The following CHST8 variants were observed in gnomAD, a reference collection of about 807,000 sequenced individuals.
CHST8 encodes the protein carbohydrate sulfotransferase 8.
CHST8 carries 10 observed loss-of-function variants against 15.0 expected under a neutral mutation model. The ratio of observed to expected loss-of-function variants is 0.67; its 90% CI spans 0.41 to 1.13. The LOEUF (loss-of-function observed/expected upper bound fraction) is 1.13, where lower values mean the gene tolerates loss of function less well. Ranked by LOEUF, CHST8 falls within the 50% of genes most tolerant of loss-of-function variation. The pLI, the probability that CHST8 is intolerant of heterozygous loss-of-function variation, is 0.00. For missense variants in CHST8, 634 were observed against 608.2 expected (o/e 1.04, Z -0.45); for synonymous variants, 259 against 256.6 (o/e 1.01, Z -0.09).
intron 2 of CHST8, among the ~76,000 whole-genome samples, chr19:33,674,114 G>A (rs1232374245): frequency 2.6e-5 from 4 of 152,178 alleles, no homozygotes; most frequent in African/African-American, 9.7e-5. Flanking sequence ...GGGGCCAGGG[G>A]AGGCTAGGAG....
chr19:33,735,238 G>A (rs147066839), intron 3 of CHST8, among the ~76,000 whole-genome samples: 34 of 152,304 alleles, frequency 2.2e-4, no homozygotes, highest in African/African-American at 6.7e-4. Flanking sequence ...CTCAGGGCCC[G>A]ACCTTGCTCC....
At position 33,772,234 on chromosome 19, in the gene CHST8, T is replaced by C. The variant is rs1468941262; in HGVS notation, c.446T>C (p.Leu149Pro). The C allele has an allele frequency of 1.3e-6, 2 of 1,597,802 alleles. No individual in the cohort carries two copies. The highest frequency in any genetic ancestry group is 2.2e-5 in the South Asian group (2 of 90,348). The change falls in exon 5 of 5, where the codon CTG (leucine) becomes CCG (proline). Residue 149 changes from leucine (L) to proline (P), a missense_variant. By Grantham distance (98) the Leu-to-Pro change is moderately conservative. Transcript: ENST00000650847. ...PGTLDGRWVS[L>P]HRSQQERKRV... is the part of the protein sequence containing the mutation. The stretch of plus-strand genomic sequence containing the variant: ...ACGCTGGATGGCCGCTGGGTCAGCC[T>C]GCACCGGAGCCAGCAGGAGCGCAAG...
intron 3 of CHST8, among the ~76,000 whole-genome samples, chr19:33,746,551 G>A (rs542708248): frequency 4.9e-4 from 75 of 152,374 alleles, no homozygotes; most frequent in Middle Eastern, 3.4e-3. Flanking sequence ...CAGGCAAGCA[G>A]TATTCCGTAG....
At chr19:33,770,431 G>A (rs1974952708) in intron 3 of CHST8, among the ~76,000 whole-genome samples, 3 of 152,242 alleles carry the variant, frequency 2.0e-5, no homozygotes, top group Admixed American at 2.0e-4. Flanking sequence ...GGAGCAGAAA[G>A]AGCCCCTGAT....
chr19:33,765,012 G>A (rs1974804367), intron 3 of CHST8, among the ~76,000 whole-genome samples: 1 of 143,046 alleles, frequency 7.0e-6, no homozygotes, highest in Non-Finnish European at 1.5e-5. Flanking sequence ...GGCTGCGAAT[G>A]CCATTAATTC....
intron 1 of CHST8, among the ~76,000 whole-genome samples, chr19:33,656,955 C>A (rs1274576634): frequency 6.6e-6 from 1 of 152,038 alleles, no homozygotes; most frequent in Non-Finnish European, 1.5e-5. Context: ...TCTATGCATT[C>A]TATATGTTAT....
chr19:33,697,480 CCT>C (rs748825116), intron 3 of CHST8, among the ~76,000 whole-genome samples: 1 of 152,168 alleles, frequency 6.6e-6, no homozygotes, highest in Non-Finnish European at 1.5e-5. Context: ...GATCCACCTG[CCT>C]CGTGCTCCCA....
intron 3 of CHST8, among the ~76,000 whole-genome samples, chr19:33,695,821 C>CTTTCTTTCTTTCTTTT (rs57718433): frequency 1.9e-3 from 147 of 76,226 alleles, no homozygotes; most frequent in African/African-American, 7.3e-3. Flanking sequence ...TTCTTTCTTT[C>CTTTCTTTCTTTCTTTT]TTTTTTTTTT....
chr19:33,700,681 G>T (rs1973314970), intron 3 of CHST8, among the ~76,000 whole-genome samples: 1 of 152,160 alleles, frequency 6.6e-6, no homozygotes, highest in South Asian at 2.1e-4. Flanking sequence ...TCTTCGTGGG[G>T]GTTCCTCCTA....
chr19:33,737,863 C>A (rs944177517), intron 3 of CHST8, among the ~76,000 whole-genome samples: 50 of 152,312 alleles, frequency 3.3e-4, no homozygotes, highest in African/African-American at 1.2e-3. Flanking sequence ...ACCTGGCCCC[C>A]AGGCTGTGAC....
At position 33,772,242 on chromosome 19, in the gene CHST8, A is replaced by G. The variant is rs1370934451; in HGVS notation, c.454A>G (p.Ser152Gly). 3 of 1,598,650 alleles carry G rather than the reference A, an allele frequency of 1.9e-6. No homozygotes were observed. In the South Asian group the frequency reaches 3.3e-5, roughly 18 times the overall value. Reference sequence around the variant, plus strand: ...TGGCCGCTGGGTCAGCCTGCACCGGAGCCAGCAGGAGCGCAAGCGGGTGAT... The same window carrying G: ...TGGCCGCTGGGTCAGCCTGCACCGGGGCCAGCAGGAGCGCAAGCGGGTGAT... ...LDGRWVSLHR[S>G]QQERKRVMQE... Residue 152 changes from serine (S) to glycine (G), a missense_variant, in exon 5 of 5, where the codon AGC becomes GGC. Ser to Gly is a moderately conservative substitution (Grantham distance 56, BLOSUM62 0). Coordinates refer to ENST00000650847, the MANE Select transcript of CHST8 (RefSeq NM_001127895.2).
rs1005695701 is a variant in CHST8, at chr19:33,724,747, G to C, written c.130+35356G>C. Among the ~76,000 whole-genome samples the C allele has an allele frequency of 5.3e-5, 8 of 152,174 alleles. No homozygotes were observed. In the South Asian group the frequency reaches 8.3e-4, roughly 16 times the overall value. ...AGCATGTGGCAGGCATGGAGACCTG[G>C]CCCTGGAGCTCCCCAGCCAGGTGGC... On this transcript the variant is annotated intron_variant, in intron 3 of 4. Coordinates refer to ENST00000650847, the MANE Select transcript of CHST8 (RefSeq NM_001127895.2).
At chr19:33,673,609 G>C (rs536637667) in intron 2 of CHST8, among the ~76,000 whole-genome samples, 2 of 152,318 alleles carry the variant, frequency 1.3e-5, no homozygotes, top group African/African-American at 4.8e-5. Flanking sequence ...TGTGGAAGGG[G>C]TTGAAGGGTC....
At chr19:33,741,974 A>G (rs1422573716) in intron 3 of CHST8, among the ~76,000 whole-genome samples, 2 of 152,048 alleles carry the variant, frequency 1.3e-5, no homozygotes, top group African/African-American at 4.8e-5. Flanking sequence ...TGGGTCATTT[A>G]TTACCTGGTA....
intron 3 of CHST8, among the ~76,000 whole-genome samples, chr19:33,708,298 A>T (rs1296421481): frequency 6.6e-6 from 1 of 152,142 alleles, no homozygotes; most frequent in African/African-American, 2.4e-5. Context: ...GCGTCTAAGA[A>T]ATTTTTTCCT....
At chr19:33,643,533 G>A (rs1402978303) in intron 1 of CHST8, among the ~76,000 whole-genome samples, 1 of 152,200 alleles carries the variant, frequency 6.6e-6, no homozygotes, top group African/African-American at 2.4e-5. Flanking sequence ...TGCCGCAGGT[G>A]CGAAATGGCC....
At chr19:33,688,326 G>A (rs372315666) in intron 2 of CHST8, among the ~76,000 whole-genome samples, 35 of 152,342 alleles carry the variant, frequency 2.3e-4, no homozygotes, top group Admixed American at 2.6e-4. Context: ...AGGAGGAAGC[G>A]GGGTAAGGGG....
At chr19:33,709,361 A>G (rs905789516) in intron 3 of CHST8, among the ~76,000 whole-genome samples, 2 of 152,154 alleles carry the variant, frequency 1.3e-5, no homozygotes, top group African/African-American at 2.4e-5. Flanking sequence ...GATTTTTGCA[A>G]ATGACTTTTA....
intron 1 of CHST8, among the ~76,000 whole-genome samples, chr19:33,642,900 A>C (rs1181736866): frequency 6.6e-6 from 1 of 152,200 alleles, no homozygotes; most frequent in African/African-American, 2.4e-5. Flanking sequence ...GCATATCATG[A>C]ATTCTTTTCC....
Sources: gnomAD v4.1 joint callset for allele counts (sites outside exome capture counted in the v4.1 genomes callset) on GRCh38, gnomAD v4.1.1 for gene constraint, MANE v1.5 for transcripts, NCBI Gene and HGNC (gene_info 2026-07-23, HGNC 2026-07-21) for gene names.